Variants in FRMD5 observed in about 807,000 individuals in gnomAD.
FRMD5 encodes FERM domain-containing protein 5.
A neutral mutation model predicts 69.0 loss-of-function variants in FRMD5; 20 were observed. That is an observed-to-expected ratio of 0.29 (90% CI 0.20 to 0.42). The LOEUF (loss-of-function observed/expected upper bound fraction) is 0.42, where lower values mean the gene tolerates loss of function less well. FRMD5 is among the 10% of genes least tolerant of loss of function. The pLI is 1.00. For missense variants in FRMD5, 595 were observed against 708.6 expected, an observed-to-expected ratio of 0.84 and a Z score of 1.82; for synonymous variants, 271 against 260.1, an observed-to-expected ratio of 1.04 and a Z score of -0.40.
At chr15:44,142,006 G>A (rs1161177881) in intron 1 of FRMD5, among the ~76,000 whole-genome samples, 1 of 151,962 alleles carries the variant, frequency 6.6e-6, no homozygotes, top group Non-Finnish European at 1.5e-5. Context: ...CTTGTCTGTG[G>A]CCTTTTCCAT....
chr15:43,872,302 G>A lies in FRMD5; in HGVS notation c.*1583C>T, dbSNP rs1238600959. The A allele has an allele frequency of 6.6e-6, 1 of 152,042 alleles. No individual in the cohort carries two copies. The highest frequency in any genetic ancestry group is 1.5e-5 in the Non-Finnish European group (1 of 68,004). 9.4% of individuals were successfully genotyped at this position (152,042 alleles called of 1,614,324 possible). A position where few individuals can be genotyped will look rare whatever the true frequency, so the allele number is the denominator to read the frequency against. On this transcript the variant is annotated 3_prime_UTR_variant, in exon 14 of 14. Coordinates refer to ENST00000417257, the MANE Select transcript of FRMD5 (RefSeq NM_032892.5). Reference sequence around the variant, plus strand: ...TACCATCTCGGGGGACAAAATAGGGGAGGTCAAGTCTACAAGTGACTTGTT... The same window carrying A: ...TACCATCTCGGGGGACAAAATAGGGAAGGTCAAGTCTACAAGTGACTTGTT...
At chr15:44,147,985 A>G (rs1305642386) in intron 1 of FRMD5, among the ~76,000 whole-genome samples, 1 of 152,166 alleles carries the variant, frequency 6.6e-6, no homozygotes, top group East Asian at 1.9e-4. Context: ...TCTGACCACA[A>G]TATCTGTTAT....
chr15:43,891,773 G>C (rs1405381856), intron 8 of FRMD5, among the ~76,000 whole-genome samples: 2 of 152,146 alleles, frequency 1.3e-5, no homozygotes, highest in Non-Finnish European at 2.9e-5. Flanking sequence ...CCTTTCTGGA[G>C]AGGCTGTTGG....
Position 44,135,447 on chromosome 15 carries a change from T to C in FRMD5, c.102+59506A>G, listed in dbSNP as rs150919029. On this transcript the variant is annotated intron_variant, in intron 1 of 13. Transcript: ENST00000417257. ...TGATTTTTCAGTTACAATTATAACA[T>C]AGACATGTTTTATTGCCTAATTATT... Among the ~76,000 whole-genome samples the C allele has an allele frequency of 3.8e-3, 572 of 152,326 alleles. 6 individuals are homozygous for C. The highest frequency in any genetic ancestry group is 0.012 in the African/African-American group (515 of 41,582).
chr15:44,137,008 A>G (rs1272940617), intron 1 of FRMD5, among the ~76,000 whole-genome samples: 1 of 152,154 alleles, frequency 6.6e-6, no homozygotes, highest in East Asian at 1.9e-4. Flanking sequence ...GTATAAAAAA[A>G]CCTCTAATAT....
intron 1 of FRMD5, among the ~76,000 whole-genome samples, chr15:43,971,276 A>G (rs1566870843): frequency 6.6e-6 from 1 of 152,078 alleles, no homozygotes; most frequent in East Asian, 1.9e-4. Context: ...AACCAAAAAA[A>G]CAAAAAATAA....
chr15:44,189,952 T>C (rs909483209), intron 1 of FRMD5, among the ~76,000 whole-genome samples: 4 of 152,190 alleles, frequency 2.6e-5, no homozygotes, highest in African/African-American at 9.7e-5. Context: ...TTTAGTACCC[T>C]TCAAATTTCC....
At chr15:44,171,549 T>G (rs529485080) in intron 1 of FRMD5, among the ~76,000 whole-genome samples, 4 of 151,748 alleles carry the variant, frequency 2.6e-5, no homozygotes, top group African/African-American at 9.7e-5. Flanking sequence ...TTAGAAATTA[T>G]TTTTTTTTCT....
Position 43,874,270 on chromosome 15 carries a change from A to C in FRMD5, c.1328T>G (p.Met443Arg). 6.2e-7 allele frequency: 1 copy of C among 1,614,186 alleles called. No individual in the cohort carries two copies. The highest frequency in any genetic ancestry group is 8.5e-7 in the Non-Finnish European group (1 of 1,180,032). Residue 443 changes from methionine (M) to arginine (R), a missense_variant, in exon 14 of 14, where the codon ATG becomes AGG. Physicochemically the swap from Met to Arg is moderately conservative, Grantham distance 91. This residue lies in a region of FRMD5 where 245 missense variants were observed against 227.1 expected (regional missense o/e 1.08). Coordinates refer to ENST00000417257, the MANE Select transcript of FRMD5 (RefSeq NM_032892.5). The part of the protein sequence containing the change: ...TPVAEHSLEL[M>R]LLSRQINGAT... The stretch of plus-strand genomic sequence containing the variant: ...TCCATTGATCTGCCGGGAAAGCAAC[A>C]TCAGCTCCAGGCTGTGCTCAGCCAC...
rs117712948 is a variant in FRMD5, at chr15:43,914,100, A to G, written c.330-4121T>C. 2.6e-4 allele frequency among the ~76,000 whole-genome samples: 39 copies of G among 152,340 alleles called. 1 individual carries two copies. The East Asian group carries it at 7.5e-3, about 29-fold the overall frequency. On this transcript the variant is annotated intron_variant, in intron 4 of 13. Transcript: ENST00000417257. ...GACAGAATTAGCAAGAGCCTGCAAG[A>G]TGCCAGGGAAAACCTGAGCTTTTGT...
intron 7 of FRMD5, among the ~76,000 whole-genome samples, chr15:43,899,927 G>A (rs1020824029): frequency 3.3e-5 from 5 of 152,178 alleles, no homozygotes; most frequent in Non-Finnish European, 7.3e-5. Flanking sequence ...CCCCGCTCTA[G>A]TCAGTGTAGT....
intron 1 of FRMD5, among the ~76,000 whole-genome samples, chr15:43,969,237 A>G (rs1306710456): frequency 6.6e-6 from 1 of 151,816 alleles, no homozygotes; most frequent in Admixed American, 6.6e-5. Flanking sequence ...GTACACCACC[A>G]CATCCATGTA....
intron 1 of FRMD5, among the ~76,000 whole-genome samples, chr15:44,062,489 G>A (rs1893129328): frequency 6.6e-6 from 1 of 152,090 alleles, no homozygotes; most frequent in East Asian, 1.9e-4. Context: ...CCAAGAGTTC[G>A]AAACCAGCCT....
chr15:44,021,199 T>C lies in FRMD5; in HGVS notation c.103-96890A>G, dbSNP rs144712192. On this transcript the variant is annotated intron_variant, in intron 1 of 13. Transcript: ENST00000417257. ...TACTCGGGAGGCTGAGATGGGAGGA[T>C]TGCCTGAGCCTGGGAGGCAGATGTT... 2.0e-3 allele frequency among the ~76,000 whole-genome samples: 311 copies of C among 152,226 alleles called. 2 individuals are homozygous for C. The highest frequency in any genetic ancestry group is 6.2e-3 in the Admixed American group (95 of 15,286).
At chr15:44,078,739 G>T (rs1223350391) in intron 1 of FRMD5, among the ~76,000 whole-genome samples, 1 of 152,036 alleles carries the variant, frequency 6.6e-6, no homozygotes, top group East Asian at 1.9e-4. Context: ...ACATGCAAAA[G>T]AATAAACTTG....
At chr15:44,030,344 A>G (rs960835653) in intron 1 of FRMD5, among the ~76,000 whole-genome samples, 3 of 152,172 alleles carry the variant, frequency 2.0e-5, no homozygotes, top group African/African-American at 7.2e-5. Context: ...CTCCATTTAT[A>G]AATCCTGATT....
chr15:43,884,623 T>C (rs1413731291), intron 12 of FRMD5, 104 bp downstream of exon 12: 1 of 981,892 alleles, frequency 1.0e-6, no homozygotes, highest in Non-Finnish European at 1.5e-6. Flanking sequence ...TTTTGGACTT[T>C]TTGGTAGCCA....
chr15:43,924,366 T>G (rs2089546150), intron 1 of FRMD5, 57 bp from the exon 2 acceptor site: 5 of 1,317,824 alleles, frequency 3.8e-6, no homozygotes, highest in Non-Finnish European at 4.3e-6. Flanking sequence ...TGTAACTTTT[T>G]TTTTTTTTAT....
Position 43,902,177 on chromosome 15 carries a change from T to G in FRMD5, c.637A>C (p.Lys213Gln). Residue 213 changes from lysine to glutamine, a missense_variant and splice_region_variant, in exon 7 of 14, where the codon AAG (lysine) becomes CAG (glutamine). By Grantham distance (53) the Lys-to-Gln change is moderately conservative. Coordinates refer to ENST00000417257, the MANE Select transcript of FRMD5 (RefSeq NM_032892.5). ...ETYGVDPHPC[K>Q]DVSGNAAFLA... ...AGTCTCCAACCAGGGGGTCTTACCTTACATGGGTGAGGATCCACTCCATAT... is the reference window on the plus strand; with the variant it reads ...AGTCTCCAACCAGGGGGTCTTACCTGACATGGGTGAGGATCCACTCCATAT... The G allele has an allele frequency of 6.2e-7, 1 of 1,612,638 alleles. No individual in the cohort carries two copies. The highest frequency in any genetic ancestry group is 8.5e-7 in the Non-Finnish European group (1 of 1,178,630).
Sources: allele counts gnomAD v4.1 joint callset (sites outside exome capture counted in the v4.1 genomes callset), GRCh38; gene constraint gnomAD v4.1.1; regional missense constraint gnomAD v4.1.1; transcripts MANE v1.5; gene names NCBI Gene and HGNC (gene_info 2026-07-23, HGNC 2026-07-21).